Variants in BIRC6 observed in about 807,000 individuals in gnomAD.
BIRC6 encodes dual E2 ubiquitin-conjugating enzyme/E3 ubiquitin-protein ligase BIRC6.
In BIRC6, 98 loss-of-function variants were observed where a neutral mutation model predicts 503.3. The ratio of observed to expected loss-of-function variants is 0.19; its 90% CI spans 0.17 to 0.23. The LOEUF (loss-of-function observed/expected upper bound fraction) is 0.23. Ranked by LOEUF, BIRC6 falls within the 10% of genes least tolerant of loss-of-function variation. The pLI is 1.00. For synonymous variants in BIRC6, 2,240 were observed against 2,078.7 expected, an observed-to-expected ratio of 1.08 and a Z score of -2.11; for missense variants, 5,360 against 5,806.0, an observed-to-expected ratio of 0.92 and a Z score of 2.50.
rs1403359479 is a variant in BIRC6, at chr2:32,443,637, C to G, written c.4336+49C>G. 6 of 1,289,028 alleles carry G rather than the reference C, an allele frequency of 4.7e-6. No homozygotes were observed. In the Admixed American group the frequency reaches 1.0e-4, roughly 23 times the overall value. 79.8% of individuals were successfully genotyped at this position (1,289,028 alleles called of 1,614,324 possible). The stretch of plus-strand genomic sequence containing the variant: ...AAATAGTTATAGTCATATGGAACAT[C>G]TCATATGTATACTTAGGATTATTTC... On this transcript the variant is annotated intron_variant, in intron 20 of 73. Coordinates refer to ENST00000421745, the MANE Select transcript of BIRC6 (RefSeq NM_016252.4).
intron 37 of BIRC6, 37 bp downstream of exon 37, chr2:32,479,654 A>C (rs1159498922): frequency 6.9e-7 from 1 of 1,448,412 alleles, no homozygotes; most frequent in Non-Finnish European, 9.4e-7. Context: ...TTATTCTATT[A>C]AATGGAAACA....
intron 4 of BIRC6, among the ~76,000 whole-genome samples, chr2:32,391,297 T>C (rs1227893381): frequency 6.6e-6 from 1 of 152,172 alleles, no homozygotes; most frequent in African/African-American, 2.4e-5. Flanking sequence ...AAAATCAATC[T>C]AGGAGCCTCT....
intron 1 of BIRC6, among the ~76,000 whole-genome samples, chr2:32,360,745 G>A (rs1305046107): frequency 1.3e-5 from 2 of 152,068 alleles, no homozygotes; most frequent in Admixed American, 6.6e-5. Flanking sequence ...TTTTTCAACC[G>A]TCTTGAACTA....
Position 32,441,487 on chromosome 2 carries a change from A to G in BIRC6, c.3944+25A>G, listed in dbSNP as rs191151178. On this transcript the variant is annotated intron_variant, in intron 17 of 73. Coordinates refer to ENST00000421745, the MANE Select transcript of BIRC6 (RefSeq NM_016252.4). ...GGTAATTTCATTGCATTATCTTGTTATTCTTACAGTAATGAAAGTGCAGAG... is the reference window on the plus strand; with the variant it reads ...GGTAATTTCATTGCATTATCTTGTTGTTCTTACAGTAATGAAAGTGCAGAG... 5,915 of 1,587,404 alleles carry G rather than the reference A, an allele frequency of 3.7e-3. 29 individuals carry two copies. The highest frequency in any genetic ancestry group is 4.0e-3 in the Non-Finnish European group (4,678 of 1,160,914).
intron 6 of BIRC6, among the ~76,000 whole-genome samples, chr2:32,395,913 T>C (rs2039825681): frequency 6.6e-6 from 1 of 152,162 alleles, no homozygotes; most frequent in African/African-American, 2.4e-5. Context: ...TGAGAGCATG[T>C]TGTCAGTAGG....
chr2:32,546,464 C>T (rs539646023), intron 63 of BIRC6, among the ~76,000 whole-genome samples: 92 of 152,050 alleles, frequency 6.1e-4, no homozygotes, highest in African/African-American at 2.1e-3. Context: ...CCTGTAATCC[C>T]AGCTACTCGG....
At chr2:32,392,205 C>G (rs1573883937) in intron 5 of BIRC6, 55 bp downstream of exon 5, 5 of 1,190,232 alleles carry the variant, frequency 4.2e-6, no homozygotes, top group Non-Finnish European at 6.0e-6. Flanking sequence ...TAGCCCTCAG[C>G]AAAATTATCA....
intron 10 of BIRC6, among the ~76,000 whole-genome samples, chr2:32,427,788 C>T (rs922084059): frequency 6.6e-6 from 1 of 151,984 alleles, no homozygotes; most frequent in African/African-American, 2.4e-5. Context: ...GTCCCTCTTT[C>T]TTTGCATGTC....
chr2:32,571,352 T>G (rs2059899961), intron 65 of BIRC6, among the ~76,000 whole-genome samples: 2 of 148,334 alleles, frequency 1.3e-5, no homozygotes, highest in South Asian at 4.3e-4. Context: ...TGGTAGAATT[T>G]GGCTGTGAAT....
chr2:32,483,513 C>T (rs139259884), intron 39 of BIRC6, among the ~76,000 whole-genome samples: 4 of 152,272 alleles, frequency 2.6e-5, no homozygotes, highest in African/African-American at 4.8e-5. Flanking sequence ...AGGAAATTAA[C>T]GTTACTGCTG....
chr2:32,451,071 T>C (rs746892092), intron 22 of BIRC6, among the ~76,000 whole-genome samples: 1 of 152,188 alleles, frequency 6.6e-6, no homozygotes, highest in Non-Finnish European at 1.5e-5. Flanking sequence ...CTTGAACCCA[T>C]ACTACAATCA....
chr2:32,445,518 C>T lies in BIRC6; in HGVS notation c.4337-3C>T, dbSNP rs140275645. The T allele has an allele frequency of 2.3e-5, 36 of 1,538,782 alleles. No individual in the cohort carries two copies. Among genetic ancestry groups the T allele is most frequent in the Non-Finnish European group, 3.1e-5 (35 of 1,141,282 alleles). On this transcript the variant is annotated splice_polypyrimidine_tract_variant and splice_region_variant and intron_variant, in intron 20 of 73. Transcript: ENST00000421745. ...ACATTTATTTTGTTTTTATTGTTTC[C>T]AGGTTCTGTCTATTGGTATTTTGTC...
chr2:32,463,846 G>A (rs1023904615), intron 24 of BIRC6, among the ~76,000 whole-genome samples: 2 of 152,190 alleles, frequency 1.3e-5, no homozygotes, highest in Non-Finnish European at 2.9e-5. Flanking sequence ...TTCAGGAACT[G>A]GGCTGCACAG....
intron 61 of BIRC6, among the ~76,000 whole-genome samples, chr2:32,536,232 A>G (rs554991236): frequency 5.3e-4 from 81 of 152,244 alleles, no homozygotes; most frequent in African/African-American, 1.8e-3. Flanking sequence ...GTAGATTGCA[A>G]AAATTTTGTC....
At chr2:32,573,499 A>G (rs2060057003) in intron 65 of BIRC6, among the ~76,000 whole-genome samples, 1 of 152,134 alleles carries the variant, frequency 6.6e-6, no homozygotes, top group African/African-American at 2.4e-5. Flanking sequence ...CCCTGCCAGT[A>G]AATGTTTATG....
intron 20 of BIRC6, among the ~76,000 whole-genome samples, chr2:32,444,965 A>C (rs1230420943): frequency 1.3e-5 from 2 of 152,226 alleles, no homozygotes; most frequent in African/African-American, 4.8e-5. Flanking sequence ...AAGTTTTGGC[A>C]TGTATGTAGC....
rs2061781828 is a variant in BIRC6 at position 32,597,975 on chromosome 2, A to G, written c.13830+7A>G. ...GCGACTTGATATCATGAAGGTAAAA[A>G]ATAATGATAATAAAGCACTCTCCCT... On this transcript the variant is annotated splice_region_variant and intron_variant, in intron 69 of 73. Transcript: ENST00000421745. 24 of 1,598,232 alleles carry G rather than the reference A, an allele frequency of 1.5e-5. No individual in the cohort carries two copies. The highest frequency in any genetic ancestry group is 1.9e-5 in the Non-Finnish European group (22 of 1,172,364).
At chr2:32,573,110 A>T (rs1255421573) in intron 65 of BIRC6, among the ~76,000 whole-genome samples, 3 of 152,226 alleles carry the variant, frequency 2.0e-5, no homozygotes, top group African/African-American at 7.2e-5. Flanking sequence ...TCCTTCGCCT[A>T]GAATGTTAGA....
At chr2:32,528,916 A>G (rs1035538729) in intron 59 of BIRC6, 1 of 152,200 alleles carries the variant, frequency 6.6e-6, no homozygotes, top group African/African-American at 2.4e-5. Context: ...TCCCTAAGAT[A>G]ACTCATTGTG....
Sources: gnomAD v4.1 joint callset for allele counts (sites outside exome capture counted in the v4.1 genomes callset) on GRCh38, gnomAD v4.1.1 for gene constraint, MANE v1.5 for transcripts, NCBI Gene and HGNC (gene_info 2026-07-23, HGNC 2026-07-21) for gene names.